The following NHEJ1 variants were observed in gnomAD, a reference collection of about 807,000 sequenced individuals.
NHEJ1 encodes non-homologous end joining factor 1.
A neutral mutation model predicts 39.4 loss-of-function variants in NHEJ1; 22 were observed. The ratio of observed to expected loss-of-function variants is 0.56; its 90% CI spans 0.40 to 0.80. The LOEUF is 0.80. NHEJ1 is among the 30% of genes least tolerant of loss of function. The pLI, the probability that NHEJ1 is intolerant of heterozygous loss-of-function variation, is 0.00. For synonymous variants in NHEJ1, 154 were observed against 135.6 expected (o/e 1.14, Z -0.94); for missense variants, 329 against 357.1 (o/e 0.92, Z 0.63).
chr2:219,145,957 G>T (rs569956202), intron 5 of NHEJ1, among the ~76,000 whole-genome samples: 13 of 148,602 alleles, frequency 8.7e-5, no homozygotes, highest in South Asian at 4.3e-4. Context: ...AAAAAAAAAA[G>T]AAAATGGGGC....
intron 6 of NHEJ1, 64 bp downstream of exon 6, chr2:219,078,025 G>T: frequency 9.3e-7 from 1 of 1,073,026 alleles, no homozygotes; most frequent in Non-Finnish European, 1.5e-6. Flanking sequence ...CTATCATATT[G>T]GACAGCATAA....
intron 3 of NHEJ1, among the ~76,000 whole-genome samples, chr2:219,152,916 C>G (rs1168375239): frequency 1.3e-5 from 2 of 151,992 alleles, no homozygotes; most frequent in African/African-American, 4.8e-5. Flanking sequence ...AATTCTCTTA[C>G]CTCAGCCTCC....
At chr2:219,100,226 G>T (rs1949243721) in intron 5 of NHEJ1, among the ~76,000 whole-genome samples, 1 of 152,088 alleles carries the variant, frequency 6.6e-6, no homozygotes, top group Non-Finnish European at 1.5e-5. Context: ...TTTAATATGA[G>T]GAAGTCGACC....
chr2:219,074,027 A>G lies in NHEJ1; in HGVS notation c.*2354T>C, dbSNP rs1948989583. Among the ~76,000 whole-genome samples the G allele has an allele frequency of 6.6e-6, 1 of 152,060 alleles. No individual in the cohort carries two copies. Among genetic ancestry groups the G allele is most frequent in the Non-Finnish European group, 1.5e-5 (1 of 68,012 alleles). On this transcript the variant is annotated 3_prime_UTR_variant, in exon 8 of 8. Coordinates refer to ENST00000356853, the MANE Select transcript of NHEJ1 (RefSeq NM_024782.3). The stretch of plus-strand genomic sequence containing the variant: ...TTAGGATGAATGATTCTCAACCACT[A>G]CCCCTAGCTTTGCGGGGTAAGGGCT...
At chr2:219,156,010 G>A (rs922394993) in intron 3 of NHEJ1, among the ~76,000 whole-genome samples, 14 of 151,840 alleles carry the variant, frequency 9.2e-5, no homozygotes, top group African/African-American at 2.7e-4. Flanking sequence ...AGCACTTTGG[G>A]AGGCCGAGGT....
At chr2:219,122,583 G>A (rs1949481896) in intron 5 of NHEJ1, among the ~76,000 whole-genome samples, 1 of 152,184 alleles carries the variant, frequency 6.6e-6, no homozygotes, top group Non-Finnish European at 1.5e-5. Context: ...CCACTAAGTT[G>A]TCAGACCAGT....
At chr2:219,087,031 C>T (rs1224035488) in intron 5 of NHEJ1, among the ~76,000 whole-genome samples, 1 of 151,962 alleles carries the variant, frequency 6.6e-6, no homozygotes, top group African/African-American at 2.4e-5. Flanking sequence ...GGGACGGATC[C>T]TCAGAGCCCC....
At chr2:219,128,613 G>T (rs556025506) in intron 5 of NHEJ1, among the ~76,000 whole-genome samples, 1 of 152,086 alleles carries the variant, frequency 6.6e-6, no homozygotes, top group Admixed American at 6.5e-5. Context: ...ATCCAAGCAC[G>T]CGACTTCCAG....
In NHEJ1 at chr2:219,076,069, A is replaced by G; in HGVS notation, c.*312T>C. The G allele has an allele frequency of 1.9e-6, 1 of 520,834 alleles. No homozygotes were observed. The highest frequency in any genetic ancestry group is 3.4e-6 in the Non-Finnish European group (1 of 295,972). The allele number at this position is 520,834 out of a possible 1,614,324, so 32.3% of individuals were successfully genotyped here. A position where few individuals can be genotyped will look rare whatever the true frequency, so the allele number is the denominator to read the frequency against. ...TAGAGACGCTAGGGAAAGGTAGACA[A>G]GGCTTCCTGAGTGTGTGGTGCTTTC... is the stretch of plus-strand genomic sequence containing the variant. On this transcript the variant is annotated 3_prime_UTR_variant, in exon 8 of 8. Coordinates refer to ENST00000356853, the MANE Select transcript of NHEJ1 (RefSeq NM_024782.3).
intron 5 of NHEJ1, among the ~76,000 whole-genome samples, chr2:219,119,493 C>A (rs568351926): frequency 6.6e-6 from 1 of 152,208 alleles, no homozygotes; most frequent in Non-Finnish European, 1.5e-5. Context: ...TAATTTCTTA[C>A]CTGAGCAACA....
At chr2:219,118,827 G>A (rs1216531743) in intron 5 of NHEJ1, among the ~76,000 whole-genome samples, 1 of 152,200 alleles carries the variant, frequency 6.6e-6, no homozygotes, top group African/African-American at 2.4e-5. Context: ...GGGAAATTAG[G>A]GGCGTCAGAG....
intron 5 of NHEJ1, among the ~76,000 whole-genome samples, chr2:219,093,380 A>T (rs1365040582): frequency 6.6e-6 from 1 of 152,236 alleles, no homozygotes; most frequent in Non-Finnish European, 1.5e-5. Flanking sequence ...TTAAGGAGGC[A>T]AGGACAAGAG....
intron 3 of NHEJ1, among the ~76,000 whole-genome samples, chr2:219,149,671 G>A (rs1259767918): frequency 6.6e-6 from 1 of 152,208 alleles, no homozygotes; most frequent in Non-Finnish European, 1.5e-5. Flanking sequence ...ACTAAGGGAA[G>A]TTATCAGACT....
intron 3 of NHEJ1, among the ~76,000 whole-genome samples, chr2:219,155,816 G>A (rs1040755710): frequency 5.3e-5 from 8 of 151,562 alleles, no homozygotes; most frequent in African/African-American, 1.2e-4. Flanking sequence ...TCCCAGCTAC[G>A]GGGGGCGCTG....
intron 3 of NHEJ1, among the ~76,000 whole-genome samples, chr2:219,154,889 CATT>C (rs1201704712): frequency 6.2e-5 from 9 of 146,044 alleles, no homozygotes; most frequent in South Asian, 4.2e-4. Context: ...ATATATAATA[CATT>C]ATATTATACC....
intron 5 of NHEJ1, among the ~76,000 whole-genome samples, chr2:219,125,916 C>T (rs1468579914): frequency 2.6e-5 from 4 of 152,234 alleles, no homozygotes; most frequent in South Asian, 2.1e-4. Flanking sequence ...AGTATCCCCC[C>T]AGTTCTGCTC....
chr2:219,146,629 T>C (rs532923878), intron 5 of NHEJ1, 51 bp downstream of exon 5: 49 of 1,454,026 alleles, frequency 3.4e-5, no homozygotes, highest in Non-Finnish European at 4.7e-5. Flanking sequence ...CTCAGGCACC[T>C]GGAAAGAGGA....
intron 5 of NHEJ1, among the ~76,000 whole-genome samples, chr2:219,125,226 AAG>A (rs1226848865): frequency 2.0e-5 from 3 of 152,288 alleles, no homozygotes; most frequent in African/African-American, 7.2e-5. Flanking sequence ...AGAGGACAGA[AAG>A]AGAAGCAACG....
intron 3 of NHEJ1, among the ~76,000 whole-genome samples, chr2:219,151,683 A>G (rs1386695246): frequency 6.6e-6 from 1 of 152,160 alleles, no homozygotes; most frequent in Admixed American, 6.5e-5. Context: ...TAATGGGCAT[A>G]TGAGAGACTA....
Sources: gnomAD v4.1 joint callset for allele counts (sites outside exome capture counted in the v4.1 genomes callset) on GRCh38, gnomAD v4.1.1 for gene constraint, MANE v1.5 for transcripts, NCBI Gene and HGNC (gene_info 2026-07-23, HGNC 2026-07-21) for gene names.